The following DYM variants were observed in gnomAD, a reference collection of about 807,000 sequenced individuals.
DYM encodes the protein dyggve-Melchior-Clausen syndrome protein.
In DYM, 78 loss-of-function variants were observed where a neutral mutation model predicts 93.1. The observed-to-expected ratio is 0.84, with a 90% CI of 0.70 to 1.01. The LOEUF (loss-of-function observed/expected upper bound fraction) is 1.01. Ranked by LOEUF, DYM falls within the 50% of genes least tolerant of loss-of-function variation. The probability of loss-of-function intolerance (pLI) is 0.00; values close to 1 mark genes in which losing one functional copy is unlikely to be tolerated. For missense variants in DYM, 789 were observed against 845.0 expected (o/e 0.93, Z 0.82); for synonymous variants, 321 against 319.7 (o/e 1.00, Z -0.04).
At chr18:49,186,652 T>C (rs900433058) in intron 14 of DYM, among the ~76,000 whole-genome samples, 1 of 152,174 alleles carries the variant, frequency 6.6e-6, no homozygotes, top group African/African-American at 2.4e-5. Flanking sequence ...ATTTGAAACA[T>C]TTTTTATTAT....
rs566114370 is a variant in DYM, at chr18:49,213,911, A to G, written c.1461-4196T>C. Among the ~76,000 whole-genome samples, 3 of 152,368 alleles carry G rather than the reference A, an allele frequency of 2.0e-5. No individual in the cohort carries two copies. In the South Asian group the frequency reaches 6.2e-4, roughly 32 times the overall value. Reference sequence around the variant, plus strand: ...AATAAATGAAGAAATACTAACTAGCATGATTTTGGAAGGGAAGACAAAATA... The same window carrying G: ...AATAAATGAAGAAATACTAACTAGCGTGATTTTGGAAGGGAAGACAAAATA... On this transcript the variant is annotated intron_variant, in intron 13 of 17. Coordinates refer to ENST00000675505, the MANE Select transcript of DYM (RefSeq NM_001353214.3).
intron 8 of DYM, among the ~76,000 whole-genome samples, chr18:49,306,279 G>A (rs1032156032): frequency 2.6e-5 from 4 of 152,162 alleles, no homozygotes; most frequent in African/African-American, 9.7e-5. Flanking sequence ...CAGAAGTAGA[G>A]AGTTAATTAT....
chr18:49,378,646 C>T lies in DYM; in HGVS notation c.342G>A (p.Leu114=), dbSNP rs35357262. The change falls in exon 5 of 18, where the codon CTG becomes CTA. Residue 114 remains leucine (L), a synonymous_variant. Coordinates refer to ENST00000675505, the MANE Select transcript of DYM (RefSeq NM_001353214.3). ...HNALFIICCL[L]KVFICQMSEE... Reference sequence around the variant, plus strand: ...CTGACATCTGACAGATGAACACTTTCAGCAAACAGCAAATAATAAACAAAG... The same window carrying T: ...CTGACATCTGACAGATGAACACTTTTAGCAAACAGCAAATAATAAACAAAG... 8,496 of 1,613,348 alleles carry T rather than the reference C, an allele frequency of 5.3e-3. 305 individuals carry two copies. In the South Asian group the frequency reaches 0.064, roughly 12 times the overall value.
chr18:49,149,775 C>T (rs188837531), intron 15 of DYM, among the ~76,000 whole-genome samples: 2 of 136,514 alleles, frequency 1.5e-5, no homozygotes, highest in South Asian at 2.5e-4. Context: ...GGCACAATCT[C>T]GGCTCACTGC....
intron 11 of DYM, 67 bp downstream of exon 11, chr18:49,272,111 G>T: frequency 6.9e-7 from 1 of 1,445,428 alleles, no homozygotes; most frequent in Non-Finnish European, 9.7e-7. Flanking sequence ...GTAAAGACTA[G>T]TAAATCTTAC....
At position 49,257,121 on chromosome 18, in the gene DYM, G is replaced by A; in HGVS notation, c.1366-17C>T. ...GTACTTGTCCTGTGAGGAAACAGCG[G>A]GTGTAAAACATACAATCAAGTCTTC... On this transcript the variant is annotated splice_polypyrimidine_tract_variant and intron_variant, in intron 12 of 17. Coordinates refer to ENST00000675505, the MANE Select transcript of DYM (RefSeq NM_001353214.3). The A allele has an allele frequency of 1.3e-6, 2 of 1,586,148 alleles. No individual in the cohort carries two copies. Among genetic ancestry groups the A allele is most frequent in the South Asian group, 1.1e-5 (1 of 90,498 alleles).
intron 15 of DYM, among the ~76,000 whole-genome samples, chr18:49,133,906 T>C (rs1040788297): frequency 1.3e-5 from 2 of 152,236 alleles, no homozygotes; most frequent in Admixed American, 1.3e-4. Flanking sequence ...TGGACACTTT[T>C]CAGGGGCTAT....
intron 13 of DYM, among the ~76,000 whole-genome samples, chr18:49,252,052 A>G (rs373927187): frequency 6.6e-6 from 1 of 151,400 alleles, no homozygotes; most frequent in African/African-American, 2.4e-5. Flanking sequence ...CATCTCTAGT[A>G]AAAATACAAA....
chr18:49,156,711 G>A (rs186388241), intron 15 of DYM, among the ~76,000 whole-genome samples: 14 of 137,104 alleles, frequency 1.0e-4, no homozygotes, highest in African/African-American at 3.6e-4. Flanking sequence ...CAGCCTGGGC[G>A]ACAGAGTGAA....
chr18:49,396,760 C>T (rs921870124), intron 2 of DYM, among the ~76,000 whole-genome samples: 4 of 152,006 alleles, frequency 2.6e-5, no homozygotes, highest in African/African-American at 7.2e-5. Context: ...AATGAAATCC[C>T]GTCATTTGCG....
intron 17 of DYM, among the ~76,000 whole-genome samples, chr18:49,054,458 G>A (rs919994778): frequency 6.6e-6 from 1 of 152,190 alleles, no homozygotes; most frequent in Non-Finnish European, 1.5e-5. Flanking sequence ...GGCCAGGCTG[G>A]TCTTGAACTC....
In DYM at chr18:49,379,664, C is replaced by T. The variant is rs932537237; in HGVS notation, c.287+1G>A. 1 of 1,607,682 alleles carries T rather than the reference C, an allele frequency of 6.2e-7. No homozygotes were observed. Among genetic ancestry groups the T allele is most frequent in the Non-Finnish European group, 8.5e-7 (1 of 1,174,464 alleles). On this transcript the variant is annotated splice_donor_variant, in intron 4 of 17. Coordinates refer to ENST00000675505, the MANE Select transcript of DYM (RefSeq NM_001353214.3). LOFTEE classifies it high-confidence loss of function. The stretch of plus-strand genomic sequence containing the variant: ...AAACATGGTTTAATTAGCCAGCTTA[C>T]TTCTGACATTCTGCTGAAAGTTTTA...
chr18:49,388,093 C>A (rs574989301), intron 3 of DYM, among the ~76,000 whole-genome samples: 126 of 152,272 alleles, frequency 8.3e-4, no homozygotes, highest in Non-Finnish European at 1.7e-3. Context: ...AATCCCAGCA[C>A]TTTGTGGGGG....
At chr18:49,200,469 T>C (rs1169735647) in intron 14 of DYM, among the ~76,000 whole-genome samples, 3 of 151,854 alleles carry the variant, frequency 2.0e-5, no homozygotes, top group Admixed American at 1.3e-4. Context: ...TAGAAGCTTA[T>C]ATTCTTTTTT....
chr18:49,350,631 G>A (rs1015500141), intron 6 of DYM, among the ~76,000 whole-genome samples: 51 of 151,574 alleles, frequency 3.4e-4, no homozygotes, highest in African/African-American at 1.2e-3. Context: ...ATTTAAACCT[G>A]GGAGGCGGAG....
chr18:49,087,496 G>A (rs920550238), intron 17 of DYM, among the ~76,000 whole-genome samples: 2 of 152,086 alleles, frequency 1.3e-5, no homozygotes, highest in African/African-American at 4.8e-5. Flanking sequence ...TGAATATCAT[G>A]GGCTAGCCTG....
intron 10 of DYM, 149 bp downstream of exon 10, chr18:49,281,845 CTAA>C: frequency 1.5e-6 from 1 of 671,264 alleles, no homozygotes; most frequent in Non-Finnish European, 2.4e-6. Context: ...GGCGATATAC[CTAA>C]TGTTAAATGA....
chr18:49,296,008 A>G (rs543899418), intron 8 of DYM, among the ~76,000 whole-genome samples: 3 of 152,060 alleles, frequency 2.0e-5, no homozygotes, highest in African/African-American at 7.2e-5. Flanking sequence ...TGCAACTTCC[A>G]CCTCCTGGAT....
chr18:49,116,143 G>C (rs2081904819), intron 16 of DYM: 1 of 152,180 alleles, frequency 6.6e-6, no homozygotes, highest in Non-Finnish European at 1.5e-5. Flanking sequence ...CCAAAGTGAT[G>C]GCTTCTCATC....
Sources: gnomAD v4.1 joint callset for allele counts (sites outside exome capture counted in the v4.1 genomes callset) on GRCh38, gnomAD v4.1.1 for gene constraint, MANE v1.5 for transcripts, NCBI Gene and HGNC (gene_info 2026-07-23, HGNC 2026-07-21) for gene names.